The following DOK5 variants were observed in gnomAD, a reference collection of about 807,000 sequenced individuals.
DOK5 encodes docking protein 5, also known as downstream of tyrosine kinase 5.
In DOK5, 27 loss-of-function variants were observed where a neutral mutation model predicts 43.3. The ratio of observed to expected loss-of-function variants is 0.62; its 90% CI spans 0.46 to 0.86. DOK5 has a LOEUF of 0.86. DOK5 is among the 40% of genes least tolerant of loss of function. The pLI, the probability that DOK5 is intolerant of heterozygous loss-of-function variation, is 0.00. For missense variants in DOK5, 373 were observed against 392.9 expected, an observed-to-expected ratio of 0.95 and a Z score of 0.43; for synonymous variants, 146 against 140.1, an observed-to-expected ratio of 1.04 and a Z score of -0.30.
Position 54,545,099 on chromosome 20 carries a change from A to T in DOK5, c.67-9834A>T, listed in dbSNP as rs116373105. Among the ~76,000 whole-genome samples the T allele has an allele frequency of 4.5e-3, 693 of 152,354 alleles. 5 individuals are homozygous for T. The highest frequency in any genetic ancestry group is 0.016 in the African/African-American group (667 of 41,592). ...ACGTTAGCTTGGCCCAAGCCCAAGA[A>T]TGACTAAGGGCAGTTTTGAGATTAA... On this transcript the variant is annotated intron_variant, in intron 1 of 7. Coordinates refer to ENST00000262593, the MANE Select transcript of DOK5 (RefSeq NM_018431.5).
At chr20:54,612,953 T>C (rs1399150126) in intron 6 of DOK5, among the ~76,000 whole-genome samples, 2 of 152,176 alleles carry the variant, frequency 1.3e-5, no homozygotes, top group Non-Finnish European at 2.9e-5. Flanking sequence ...GTATTTATCT[T>C]AAAGACCCCT....
At chr20:54,642,600 T>C (rs1979178749) in intron 6 of DOK5, among the ~76,000 whole-genome samples, 1 of 148,624 alleles carries the variant, frequency 6.7e-6, no homozygotes, top group Admixed American at 6.7e-5. Context: ...GGCATGTACC[T>C]GTACTTCCAG....
chr20:54,628,312 G>A (rs1459993189), intron 6 of DOK5, among the ~76,000 whole-genome samples: 1 of 148,924 alleles, frequency 6.7e-6, no homozygotes, highest in African/African-American at 2.5e-5. Context: ...TGGAGGCTGA[G>A]GCAGGAGAAT....
chr20:54,498,944 T>C lies in DOK5; in HGVS notation c.66+22932T>C, dbSNP rs113388457. On this transcript the variant is annotated intron_variant, in intron 1 of 7. Coordinates refer to ENST00000262593, the MANE Select transcript of DOK5 (RefSeq NM_018431.5). ...GAGCTATATGCATCAGCATTCTGAGTTTGAAATTAATAATAATGGGACACT... is the reference window on the plus strand; with the variant it reads ...GAGCTATATGCATCAGCATTCTGAGCTTGAAATTAATAATAATGGGACACT... Among the ~76,000 whole-genome samples the C allele has an allele frequency of 4.0e-3, 610 of 152,248 alleles. 4 individuals carry two copies. The highest frequency in any genetic ancestry group is 0.014 in the African/African-American group (579 of 41,536).
chr20:54,478,467 G>A (rs1304145983), intron 1 of DOK5, among the ~76,000 whole-genome samples: 4 of 152,226 alleles, frequency 2.6e-5, no homozygotes, highest in African/African-American at 7.2e-5. Flanking sequence ...CACTTGGTAA[G>A]TTCATGTTGA....
At chr20:54,612,350 T>C (rs557766389) in intron 6 of DOK5, among the ~76,000 whole-genome samples, 3 of 152,280 alleles carry the variant, frequency 2.0e-5, no homozygotes, top group Non-Finnish European at 4.4e-5. Flanking sequence ...GACGTGGGCA[T>C]GCTGAGGAGG....
intron 1 of DOK5, among the ~76,000 whole-genome samples, chr20:54,492,273 T>C (rs948267909): frequency 3.9e-5 from 6 of 152,208 alleles, no homozygotes; most frequent in African/African-American, 1.4e-4. Context: ...GAGGCAAGCA[T>C]AAAAGTGCGT....
intron 1 of DOK5, among the ~76,000 whole-genome samples, chr20:54,515,937 G>T (rs1477632214): frequency 6.6e-6 from 1 of 152,212 alleles, no homozygotes; most frequent in Non-Finnish European, 1.5e-5. Flanking sequence ...ATTGGGGAAG[G>T]CATTAGCTGA....
intron 6 of DOK5, among the ~76,000 whole-genome samples, chr20:54,626,309 T>C (rs1486893387): frequency 6.6e-6 from 1 of 151,934 alleles, no homozygotes; most frequent in Non-Finnish European, 1.5e-5. Flanking sequence ...AAAACCCAGT[T>C]AGGAGGCTTC....
chr20:54,524,305 T>C (rs755118921), intron 1 of DOK5, among the ~76,000 whole-genome samples: 8 of 152,214 alleles, frequency 5.3e-5, no homozygotes, highest in Non-Finnish European at 1.0e-4. Flanking sequence ...TGCCCCTTTG[T>C]TCTCAGAATC....
intron 1 of DOK5, among the ~76,000 whole-genome samples, chr20:54,515,892 C>T (rs543605407): frequency 5.3e-5 from 8 of 152,266 alleles, no homozygotes; most frequent in East Asian, 1.9e-4. Context: ...GAATGTTCAA[C>T]GTATGCTTTT....
intron 2 of DOK5, among the ~76,000 whole-genome samples, chr20:54,557,538 G>A (rs1486460606): frequency 6.6e-6 from 1 of 152,162 alleles, no homozygotes; most frequent in African/African-American, 2.4e-5. Flanking sequence ...CCTGGTCAAT[G>A]CGATCACGCG....
chr20:54,487,777 C>T (rs1186889846), intron 1 of DOK5, among the ~76,000 whole-genome samples: 2 of 152,112 alleles, frequency 1.3e-5, no homozygotes, highest in African/African-American at 2.4e-5. Context: ...CTTCTCACCC[C>T]CCAAAAACTG....
chr20:54,496,843 C>T (rs1054692628), intron 1 of DOK5, among the ~76,000 whole-genome samples: 14 of 148,944 alleles, frequency 9.4e-5, no homozygotes. Context: ...TCGATATTAA[C>T]TTCTCCAATT....
At chr20:54,598,972 A>G (rs1477112915) in intron 5 of DOK5, among the ~76,000 whole-genome samples, 1 of 152,226 alleles carries the variant, frequency 6.6e-6, no homozygotes, top group African/African-American at 2.4e-5. Context: ...TGGTGAGTTT[A>G]CAGGTAAAAT....
In DOK5 at chr20:54,633,099, C is replaced by CA. The variant is rs11330746; in HGVS notation, c.736-10351dup. ...AAACAAAACAAAACAAAACAAAAAA[C>CA]AAAAAAAACAAATGCCTGGGCTCCA... On this transcript the variant is annotated intron_variant, in intron 6 of 7. Coordinates refer to ENST00000262593, the MANE Select transcript of DOK5 (RefSeq NM_018431.5). Among the ~76,000 whole-genome samples the CA allele has an allele frequency of 2.2e-4, 34 of 151,424 alleles. No individual in the cohort carries two copies. The East Asian group carries it at 2.7e-3, about 12-fold the overall frequency.
intron 1 of DOK5, among the ~76,000 whole-genome samples, chr20:54,481,459 G>A (rs1981715580): frequency 1.3e-5 from 2 of 152,140 alleles, no homozygotes; most frequent in South Asian, 4.1e-4. Context: ...GTGAGCCACC[G>A]TGCCCGGCCT....
chr20:54,632,756 C>A (rs1473609290), intron 6 of DOK5, among the ~76,000 whole-genome samples: 3 of 152,128 alleles, frequency 2.0e-5, no homozygotes, highest in Non-Finnish European at 4.4e-5. Context: ...TCATTAAGAT[C>A]AAAACCATCT....
chr20:54,623,374 CTG>C (rs1269273630), intron 6 of DOK5, among the ~76,000 whole-genome samples: 1 of 152,064 alleles, frequency 6.6e-6, no homozygotes, highest in Non-Finnish European at 1.5e-5. Flanking sequence ...TTGGATGGGT[CTG>C]TGTGTTTGGG....
Sources: gnomAD v4.1 joint callset for allele counts (sites outside exome capture counted in the v4.1 genomes callset) on GRCh38, gnomAD v4.1.1 for gene constraint, MANE v1.5 for transcripts, NCBI Gene and HGNC (gene_info 2026-07-23, HGNC 2026-07-21) for gene names.